The following LIN52 variants were observed in gnomAD, a reference collection of about 807,000 sequenced individuals.
LIN52 encodes lin-52 DREAM MuvB core complex component, also known as protein lin-52 homolog.
In LIN52, 4 loss-of-function variants were observed where a neutral mutation model predicts 18.5. That is an observed-to-expected ratio of 0.22 (90% CI 0.11 to 0.49). The LOEUF (loss-of-function observed/expected upper bound fraction) is 0.49, where lower values mean the gene tolerates loss of function less well. Ranked by LOEUF, LIN52 falls within the 20% of genes least tolerant of loss-of-function variation. LIN52 has a pLI of 0.97. For missense variants in LIN52, 102 were observed against 139.5 expected, an observed-to-expected ratio of 0.73 and a Z score of 1.35; for synonymous variants, 34 against 45.5, an observed-to-expected ratio of 0.75 and a Z score of 1.02.
intron 5 of LIN52, among the ~76,000 whole-genome samples, chr14:74,173,338 C>G (rs2061279402): frequency 6.6e-6 from 1 of 152,132 alleles, no homozygotes; most frequent in East Asian, 1.9e-4. Context: ...CAGGCTTGCA[C>G]CACCACGCCT....
chr14:74,086,431 T>C (rs1566841398), intron 1 of LIN52, among the ~76,000 whole-genome samples: 1 of 152,038 alleles, frequency 6.6e-6, no homozygotes, highest in African/African-American at 2.4e-5. Context: ...GGCAGGCAGA[T>C]CGCCTGAGCT....
At chr14:74,144,923 T>C (rs1236886646) in intron 5 of LIN52, among the ~76,000 whole-genome samples, 2 of 152,206 alleles carry the variant, frequency 1.3e-5, no homozygotes, top group Admixed American at 6.5e-5. Context: ...GTTGAGATCA[T>C]GAAGTGTGTA....
At chr14:74,178,162 T>C (rs1566868040) in intron 5 of LIN52, among the ~76,000 whole-genome samples, 1 of 152,202 alleles carries the variant, frequency 6.6e-6, no homozygotes, top group Non-Finnish European at 1.5e-5. Flanking sequence ...ATCTATACAC[T>C]TAAAATGCTG....
intron 2 of LIN52, among the ~76,000 whole-genome samples, chr14:74,094,487 G>A (rs2060794590): frequency 6.6e-6 from 1 of 152,082 alleles, no homozygotes; most frequent in Admixed American, 6.6e-5. Context: ...TCAGACTCCT[G>A]GGCTCAGGCT....
At chr14:74,089,928 G>C (rs1360160452) in intron 1 of LIN52, among the ~76,000 whole-genome samples, 2 of 152,028 alleles carry the variant, frequency 1.3e-5, no homozygotes, top group East Asian at 3.9e-4. Flanking sequence ...GAGTCAGGGC[G>C]AGCACTTTTG....
intron 1 of LIN52, among the ~76,000 whole-genome samples, chr14:74,086,433 G>A (rs566751127): frequency 6.6e-6 from 1 of 152,020 alleles, no homozygotes; most frequent in East Asian, 1.9e-4. Flanking sequence ...CAGGCAGATC[G>A]CCTGAGCTCA....
chr14:74,132,612 A>T (rs1334938982), intron 5 of LIN52, among the ~76,000 whole-genome samples: 7 of 152,138 alleles, frequency 4.6e-5, no homozygotes, highest in Non-Finnish European at 1.0e-4. Flanking sequence ...CGGCTTAAGC[A>T]ATTCTCCTGC....
At chr14:74,129,127 GGAGT>G (rs1417529484) in intron 5 of LIN52, among the ~76,000 whole-genome samples, 2 of 152,132 alleles carry the variant, frequency 1.3e-5, no homozygotes, top group African/African-American at 4.8e-5. Context: ...AGTTTGAAAT[GGAGT>G]GAGGAATGAG....
chr14:74,123,345 CTGAT>C (rs942064927), intron 5 of LIN52, among the ~76,000 whole-genome samples: 1 of 152,098 alleles, frequency 6.6e-6, no homozygotes, highest in African/African-American at 2.4e-5. Flanking sequence ...GTTTTAGTGA[CTGAT>C]TGGATATATT....
intron 5 of LIN52, among the ~76,000 whole-genome samples, chr14:74,169,724 C>G (rs1376362425): frequency 6.6e-6 from 1 of 152,110 alleles, no homozygotes; most frequent in Non-Finnish European, 1.5e-5. Context: ...TTCATGTTGC[C>G]AATCATGTGT....
chr14:74,169,287 CCTT>C (rs1331855609), intron 5 of LIN52, among the ~76,000 whole-genome samples: 4 of 152,136 alleles, frequency 2.6e-5, no homozygotes, highest in Admixed American at 6.5e-5. Flanking sequence ...CTTGAGTAAA[CCTT>C]CTTCTTTAAT....
chr14:74,105,578 AT>A (rs11330179), intron 5 of LIN52, among the ~76,000 whole-genome samples: 58,258 of 147,508 alleles, frequency 0.39, 12,096 homozygotes, highest in East Asian at 0.8. Flanking sequence ...TAAAAACAAG[AT>A]TTTTTTTTTT....
chr14:74,129,343 C>T lies in LIN52; in HGVS notation c.283+28105C>T, dbSNP rs576053456. Among the ~76,000 whole-genome samples the T allele has an allele frequency of 1.6e-4, 24 of 152,014 alleles. No homozygotes were observed. In the South Asian group the frequency reaches 2.9e-3, roughly 18 times the overall value. On this transcript the variant is annotated intron_variant, in intron 5 of 5. Transcript: ENST00000555028. ...AATATAAGTAAGGTTTCTGAGAGGGCGCAGGTGAATCAAATATAAGTAAGG... is the reference window on the plus strand; with the variant it reads ...AATATAAGTAAGGTTTCTGAGAGGGTGCAGGTGAATCAAATATAAGTAAGG...
At chr14:74,195,403 G>T (rs544028843) in intron 5 of LIN52, among the ~76,000 whole-genome samples, 2 of 152,162 alleles carry the variant, frequency 1.3e-5, no homozygotes, top group Non-Finnish European at 2.9e-5. Flanking sequence ...GAATAGAAAT[G>T]GCTTTCTCTT....
At chr14:74,094,473 G>C (rs1233616769) in intron 2 of LIN52, among the ~76,000 whole-genome samples, 1 of 152,030 alleles carries the variant, frequency 6.6e-6, no homozygotes. Flanking sequence ...TGCCCAGACT[G>C]GTCTCAGACT....
intron 5 of LIN52, among the ~76,000 whole-genome samples, chr14:74,167,112 CTT>C (rs9323596): frequency 2.5e-5 from 3 of 119,112 alleles, no homozygotes; most frequent in Admixed American, 8.9e-5. Flanking sequence ...GCCTCTGCTG[CTT>C]TTTTTTTTTT....
intron 5 of LIN52, among the ~76,000 whole-genome samples, chr14:74,144,150 G>C (rs1490653686): frequency 6.6e-6 from 1 of 151,412 alleles, no homozygotes; most frequent in Admixed American, 6.6e-5. Flanking sequence ...TTTAAGACAG[G>C]GTCTTGCTCT....
At chr14:74,190,389 CTTTTTT>C (rs68037994) in intron 5 of LIN52, among the ~76,000 whole-genome samples, 1 of 106,306 alleles carries the variant, frequency 9.4e-6, no homozygotes, top group African/African-American at 3.8e-5. Context: ...GCCTAAATAA[CTTTTTT>C]TTTTTTTTTT....
At position 74,097,686 on chromosome 14, in the gene LIN52, G is replaced by A. The variant is rs941615381; in HGVS notation, c.133-108G>A. ...CCTGACTCCTGACCTCAAGTAATCC[G>A]CCCACCTTGGCAGCCACCGCATCCG... On this transcript the variant is annotated intron_variant, in intron 3 of 5. Transcript: ENST00000555028. 8 of 727,146 alleles carry A rather than the reference G, an allele frequency of 1.1e-5. No individual in the cohort carries two copies. In the East Asian group the frequency reaches 1.5e-4, roughly 13 times the overall value. 45.0% of individuals were successfully genotyped at this position (727,146 alleles called of 1,614,324 possible).
Sources: allele counts gnomAD v4.1 joint callset (sites outside exome capture counted in the v4.1 genomes callset), GRCh38; gene constraint gnomAD v4.1.1; transcripts MANE v1.5; gene names NCBI Gene and HGNC (gene_info 2026-07-23, HGNC 2026-07-21).